The following STXBP2 variants were observed in gnomAD, a reference collection of about 807,000 sequenced individuals.
STXBP2 encodes syntaxin binding protein 2, also known as syntaxin-binding protein 2.
A neutral mutation model predicts 72.2 loss-of-function variants in STXBP2; 47 were observed. The observed-to-expected ratio is 0.65, with a 90% confidence interval of 0.51 to 0.83. The LOEUF is 0.83. STXBP2 is among the 40% of genes least tolerant of loss of function. The pLI, the probability that STXBP2 is intolerant of heterozygous loss-of-function variation, is 0.00. For synonymous variants in STXBP2, 367 were observed against 338.7 expected, an observed-to-expected ratio of 1.08 and a Z score of -0.92; for missense variants, 702 against 807.6, an observed-to-expected ratio of 0.87 and a Z score of 1.58.
rs115875162 is a variant in STXBP2 at position 7,642,159 on chromosome 19, G to A, written c.663+41G>A. The A allele has an allele frequency of 1.7e-3, 2,776 of 1,614,008 alleles. 49 individuals are homozygous for A. In the African/African-American group the frequency reaches 0.034, roughly 20 times the overall value. The stretch of plus-strand genomic sequence containing the variant: ...TGGGAGGTGAGGGGCAGCCCCAACC[G>A]GCTCAGGGTCAGTGCCTCATTCCTG... On this transcript the variant is annotated intron_variant, in intron 8 of 18. Coordinates refer to ENST00000221283, the MANE Select transcript of STXBP2 (RefSeq NM_006949.4). The surrounding 1 kb of genome is among the most constrained non-coding windows in gnomAD (Gnocchi z 6.0).
upstream of STXBP2, chr19:7,632,454 C>T (rs572670156): frequency 9.9e-6 from 16 of 1,613,794 alleles, no homozygotes; most frequent in African/African-American, 4.0e-5. The surrounding 1 kb of genome is among the most constrained non-coding windows in gnomAD (Gnocchi z 5.2). Context: ...GTCATCCATG[C>T]GGCGGCCCTG....
chr19:7,640,352 G>A (rs1339749720), intron 4 of STXBP2: 1 of 560,154 alleles, frequency 1.8e-6, no homozygotes, highest in Non-Finnish European at 3.3e-6. Context: ...GTATGCGTCT[G>A]TGCATGTGTG....
chr19:7,634,751 C>T (rs2031464379), upstream of STXBP2, among the ~76,000 whole-genome samples: 1 of 152,210 alleles, frequency 6.6e-6, no homozygotes, highest in South Asian at 2.1e-4. Context: ...CAGAGCTGTG[C>T]TCCCTCTGAA....
intron 14 of STXBP2, 144 bp downstream of exon 14, chr19:7,644,896 G>A: frequency 6.7e-7 from 1 of 1,489,160 alleles, no homozygotes; most frequent in Non-Finnish European, 8.9e-7. Context: ...TCTGGACCCG[G>A]GAACCCTCCT....
At chr19:7,645,891 CCCTCT>C (rs2032113748) in intron 15 of STXBP2, 1 of 394,008 alleles carries the variant, frequency 2.5e-6, no homozygotes, top group African/African-American at 2.7e-5. Flanking sequence ...TGCTCCCCTC[CCCTCT>C]CCGTCCCCCT....
At chr19:7,630,500 G>C in the STXBP2 span, 1 of 1,242,750 alleles carries the variant, frequency 8.0e-7, no homozygotes. Context: ...AGTAGGATGG[G>C]TCCCCCAGGC....
chr19:7,645,901 C>T (rs1599405692), intron 15 of STXBP2: 3 of 153,994 alleles, frequency 1.9e-5, no homozygotes, highest in Non-Finnish European at 3.1e-5. Flanking sequence ...CCCTCTCCGT[C>T]CCCCTTCTGT....
At chr19:7,632,858 G>A, upstream of STXBP2, 1 of 1,540,322 alleles carries the variant, frequency 6.5e-7, no homozygotes, top group Non-Finnish European at 8.7e-7. This position sits in a 1 kb window ranked among gnomAD's most constrained non-coding sequence, Gnocchi z 5.2. Flanking sequence ...CAGTCTGGTT[G>A]GCCCTTCAGC....
At chr19:7,631,939 C>T (rs2031329137), upstream of STXBP2, 1 of 949,874 alleles carries the variant, frequency 1.1e-6, no homozygotes, top group Non-Finnish European at 1.4e-6. Context: ...TATGTTTACC[C>T]TCAATATCTG....
intron 1 of STXBP2, among the ~76,000 whole-genome samples, chr19:7,638,172 G>A (rs945338833): frequency 6.6e-6 from 1 of 152,212 alleles, no homozygotes; most frequent in East Asian, 1.9e-4. Context: ...CATGTTTATC[G>A]AGTGGCACCT....
At position 7,639,281 on chromosome 19, in the gene STXBP2, G is replaced by A. The variant is rs1471573808; in HGVS notation, c.169+181G>A. ...CCAAATCCATTCTTAAACCTTGCAAGCTGACTGCGGGAGCCCATGGATTGC... is the reference window on the plus strand; with the variant it reads ...CCAAATCCATTCTTAAACCTTGCAAACTGACTGCGGGAGCCCATGGATTGC... On this transcript the variant is annotated intron_variant, in intron 3 of 18. Transcript: ENST00000221283. The A allele has an allele frequency of 1.9e-5, 14 of 721,794 alleles. 1 individual carries two copies. Among genetic ancestry groups the A allele is most frequent in the South Asian group, 1.7e-4 (11 of 63,044 alleles). 44.7% of individuals were successfully genotyped at this position (721,794 alleles called of 1,614,324 possible). A position where few individuals can be genotyped will look rare whatever the true frequency, so the allele number is the denominator to read the frequency against.
chr19:7,642,779 C>T lies in STXBP2; in HGVS notation c.916C>T (p.Leu306Phe), dbSNP rs1468071062. Residue 306 changes from leucine to phenylalanine, a missense_variant, in exon 11 of 19, where the codon CTC (leucine) becomes TTC (phenylalanine). Physicochemically the swap from Leu to Phe is conservative, Grantham distance 22. Coordinates refer to ENST00000221283, the MANE Select transcript of STXBP2 (RefSeq NM_006949.4). The surrounding 1 kb of genome is among the most constrained non-coding windows in gnomAD (Gnocchi z 6.0). ...IADVSKKVTE[L>F]LRTFCESKRL... ...CCTCATGGCCAGGAAGGTCACGGAGCTCCTGAGGACCTTCTGTGAGAGCAA... is the reference window on the plus strand; with the variant it reads ...CCTCATGGCCAGGAAGGTCACGGAGTTCCTGAGGACCTTCTGTGAGAGCAA... 6.2e-7 allele frequency: 1 copy of T among 1,613,990 alleles called. No homozygotes were observed.
At position 7,647,826 on chromosome 19, in the gene STXBP2, C is replaced by G; in HGVS notation, c.*16C>G. ...CCTGCCCTGACCCCTGGCCCCGCCC[C>G]CTACCCCTCCCTTTCCAGAGAAATA... On this transcript the variant is annotated 3_prime_UTR_variant, in exon 19 of 19. Coordinates refer to ENST00000221283, the MANE Select transcript of STXBP2 (RefSeq NM_006949.4). 1.3e-6 allele frequency: 2 copies of G among 1,597,038 alleles called. No homozygotes were observed. Among genetic ancestry groups the G allele is most frequent in the South Asian group, 1.1e-5 (1 of 90,810 alleles).
intron 3 of STXBP2, chr19:7,639,333 T>G: frequency 1.6e-6 from 1 of 633,456 alleles, no homozygotes; most frequent in Non-Finnish European, 2.9e-6. Context: ...ACTCCCTGGC[T>G]GCAGCCCCTT....
chr19:7,647,796 A>T lies in STXBP2; in HGVS notation c.1768A>T (p.Ile590Phe). 6.2e-7 allele frequency: 1 copy of T among 1,613,792 alleles called. No individual in the cohort carries two copies. The highest frequency in any genetic ancestry group is 8.5e-7 in the Non-Finnish European group (1 of 1,179,868). Reference protein sequence around the residue: ...LKALDKKLEDIALP With the variant: ...LKALDKKLEDFALP ...GGCACTGGACAAGAAGCTGGAGGAC[A>T]TTGCCCTGCCCTGACCCCTGGCCCC... The change falls in exon 19 of 19, where the codon ATT (isoleucine) becomes TTT (phenylalanine). Residue 590 changes from isoleucine (I) to phenylalanine (F), a missense_variant. Coordinates refer to ENST00000221283, the MANE Select transcript of STXBP2 (RefSeq NM_006949.4).
At chr19:7,647,060 C>T in intron 16 of STXBP2, 102 bp from the exon 17 acceptor site, 1 of 1,248,208 alleles carries the variant, frequency 8.0e-7, no homozygotes, top group South Asian at 1.2e-5. Context: ...ATGCTGGTTC[C>T]TGTCTGCCAG....
chr19:7,634,611 C>A (rs977518500), upstream of STXBP2, among the ~76,000 whole-genome samples: 16 of 152,368 alleles, frequency 1.1e-4, no homozygotes, highest in Middle Eastern at 3.4e-3. Context: ...TTCATGTGAT[C>A]CTCCTGCCTG....
chr19:7,644,239 T>C (rs574782791), intron 13 of STXBP2: 4 of 189,084 alleles, frequency 2.1e-5, no homozygotes, highest in African/African-American at 9.9e-5. Flanking sequence ...GGGACCTGGG[T>C]GAGGGGTGGA....
chr19:7,630,546 C>A, the STXBP2 span: 1 of 1,509,324 alleles, frequency 6.6e-7, no homozygotes, highest in Non-Finnish European at 8.9e-7. Context: ...GGGGGGAGCT[C>A]ACCTCACCCA....
Sources: allele counts gnomAD v4.1 joint callset (sites outside exome capture counted in the v4.1 genomes callset), GRCh38; gene constraint gnomAD v4.1.1; non-coding constraint Gnocchi (gnomAD v3.1); transcripts MANE v1.5; gene names NCBI Gene and HGNC (gene_info 2026-07-23, HGNC 2026-07-21).